Variants in PITPNC1 observed in about 807,000 individuals in gnomAD.
PITPNC1 encodes the protein cytoplasmic phosphatidylinositol transfer protein 1.
In PITPNC1, 18 loss-of-function variants were observed where a neutral mutation model predicts 44.7. The ratio of observed to expected loss-of-function variants is 0.40; its 90% CI spans 0.28 to 0.60. The LOEUF (loss-of-function observed/expected upper bound fraction) is 0.60. Among genes scored for constraint, PITPNC1 ranks in the 20% least tolerant of loss-of-function variants. PITPNC1 has a pLI of 0.39. For synonymous variants in PITPNC1, 141 were observed against 149.6 expected (o/e 0.94, Z 0.42); for missense variants, 290 against 418.4 (o/e 0.69, Z 2.68).
Position 67,677,046 on chromosome 17 carries a change from G to A in PITPNC1, c.682+1504G>A, listed in dbSNP as rs530711534. Reference sequence around the variant, plus strand: ...CTAGTTGTGTTTTGTGAGGCAGGCAGGAGAGTCTCCTGTGATTACTTCCTC... The same window carrying A: ...CTAGTTGTGTTTTGTGAGGCAGGCAAGAGAGTCTCCTGTGATTACTTCCTC... On this transcript the variant is annotated intron_variant, in intron 8 of 8. Transcript: ENST00000581322. Among the ~76,000 whole-genome samples, 9 of 152,172 alleles carry A rather than the reference G, an allele frequency of 5.9e-5. No individual in the cohort carries two copies. The South Asian group carries it at 1.7e-3, about 28-fold the overall frequency.
At chr17:67,432,429 A>C (rs1162505008) in intron 1 of PITPNC1, among the ~76,000 whole-genome samples, 10 of 152,114 alleles carry the variant, frequency 6.6e-5, no homozygotes, top group Admixed American at 3.3e-4. Context: ...TGGAGCTTGC[A>C]GTGAGCCGAG....
At chr17:67,525,835 C>A (rs538631196) in intron 1 of PITPNC1, among the ~76,000 whole-genome samples, 1 of 152,200 alleles carries the variant, frequency 6.6e-6, no homozygotes, top group Non-Finnish European at 1.5e-5. Context: ...TGATATCACT[C>A]TCTGCTTTTC....
chr17:67,535,851 G>A (rs887267804), intron 2 of PITPNC1, among the ~76,000 whole-genome samples: 2 of 152,248 alleles, frequency 1.3e-5, no homozygotes, highest in Non-Finnish European at 2.9e-5. Flanking sequence ...CAGAGTGTGG[G>A]TTCTGACATC....
At chr17:67,385,770 C>T (rs541529344) in intron 1 of PITPNC1, among the ~76,000 whole-genome samples, 1 of 151,724 alleles carries the variant, frequency 6.6e-6, no homozygotes, top group East Asian at 1.9e-4. Flanking sequence ...TCATAACGGG[C>T]ACAGGGAAAG....
chr17:67,566,043 T>G (rs1004147876), intron 4 of PITPNC1, among the ~76,000 whole-genome samples: 2 of 152,202 alleles, frequency 1.3e-5, no homozygotes, highest in African/African-American at 4.8e-5. Context: ...TTAATGGTTT[T>G]AGAGTCGATC....
chr17:67,440,217 T>A (rs148799742), intron 1 of PITPNC1, among the ~76,000 whole-genome samples: 1 of 152,270 alleles, frequency 6.6e-6, no homozygotes, highest in African/African-American at 2.4e-5. Context: ...TAATGCACAA[T>A]ACTCTACAAT....
chr17:67,601,559 T>C (rs2041539826), intron 5 of PITPNC1, among the ~76,000 whole-genome samples: 1 of 151,916 alleles, frequency 6.6e-6, no homozygotes, highest in South Asian at 2.1e-4. Context: ...AAGACCAGCC[T>C]GGACAACATA....
At chr17:67,682,587 G>A (rs2042731009) in intron 8 of PITPNC1, among the ~76,000 whole-genome samples, 1 of 152,222 alleles carries the variant, frequency 6.6e-6, no homozygotes, top group South Asian at 2.1e-4. Context: ...GAAGTACAGT[G>A]AGCAGGGCAT....
chr17:67,634,600 CAA>C (rs2042010882), intron 6 of PITPNC1, among the ~76,000 whole-genome samples: 1 of 152,062 alleles, frequency 6.6e-6, no homozygotes, highest in South Asian at 2.1e-4. Flanking sequence ...TCCAATCTAA[CAA>C]ATACCACGCA....
intron 1 of PITPNC1, among the ~76,000 whole-genome samples, chr17:67,380,037 G>A (rs1197848006): frequency 1.3e-5 from 2 of 151,214 alleles, no homozygotes; most frequent in African/African-American, 4.9e-5. Flanking sequence ...TATAGGTGGA[G>A]GCCCTTCCTT....
intron 6 of PITPNC1, among the ~76,000 whole-genome samples, chr17:67,663,223 G>A (rs908813819): frequency 4.6e-5 from 7 of 152,158 alleles, no homozygotes; most frequent in Admixed American, 3.3e-4. Context: ...TAGCCCAGGA[G>A]GTTCTTGGCT....
In PITPNC1 at chr17:67,575,424, A is replaced by G. The variant is rs528014932; in HGVS notation, c.295-2762A>G. On this transcript the variant is annotated intron_variant, in intron 4 of 8. Transcript: ENST00000581322. ...CAGGGCCTTGTTCTCCATAAAGGCA[A>G]TTACTGGGATTGATTGTTTCCGTGT... Among the ~76,000 whole-genome samples, 34 of 152,318 alleles carry G rather than the reference A, an allele frequency of 2.2e-4. No individual in the cohort carries two copies. In the South Asian group the frequency reaches 7.1e-3, roughly 32 times the overall value.
At chr17:67,682,450 T>G (rs1009265481) in intron 8 of PITPNC1, among the ~76,000 whole-genome samples, 4 of 152,108 alleles carry the variant, frequency 2.6e-5, no homozygotes, top group Admixed American at 1.3e-4. Context: ...TCAGGCCCCA[T>G]GCAGTATGAC....
At chr17:67,381,484 T>C (rs1305383386) in intron 1 of PITPNC1, among the ~76,000 whole-genome samples, 2 of 149,130 alleles carry the variant, frequency 1.3e-5, no homozygotes, top group Admixed American at 6.7e-5. Context: ...TTTTTTTTTT[T>C]GAGACGGAAT....
chr17:67,658,762 C>T (rs1028393361), intron 6 of PITPNC1, among the ~76,000 whole-genome samples: 7 of 152,076 alleles, frequency 4.6e-5, no homozygotes, highest in Non-Finnish European at 1.0e-4. Context: ...CTTTCCTCTA[C>T]TTGCCGTCTT....
chr17:67,497,615 C>T (rs2144061089), intron 1 of PITPNC1, among the ~76,000 whole-genome samples: 1 of 145,260 alleles, frequency 6.9e-6, no homozygotes, highest in Non-Finnish European at 1.5e-5. Context: ...GCAGTCTCGA[C>T]CTCCTAGGCT....
Position 67,409,071 on chromosome 17 carries a change from C to CTTTTTTTTT in PITPNC1, c.48+30885_48+30893dup, listed in dbSNP as rs1159310735. On this transcript the variant is annotated intron_variant, in intron 1 of 8. Transcript: ENST00000581322. ...TGTGGGGTAGGGGTCCAAATTCATT[C>CTTTTTTTTT]TTTTTTTTTTTTTTTTTTTTTTTTG... Among the ~76,000 whole-genome samples, 66 of 80,518 alleles carry CTTTTTTTTT rather than the reference C, an allele frequency of 8.2e-4. 4 individuals carry two copies. Among genetic ancestry groups the CTTTTTTTTT allele is most frequent in the Middle Eastern group, 0.014 (1 of 70 alleles). The allele number at this position is 80,518 out of a possible 152,430, so 52.8% of individuals were successfully genotyped here.
At chr17:67,563,882 G>A (rs1353822634) in intron 4 of PITPNC1, among the ~76,000 whole-genome samples, 1 of 152,154 alleles carries the variant, frequency 6.6e-6, no homozygotes, top group African/African-American at 2.4e-5. Flanking sequence ...GGGAGAGAGA[G>A]AAATGGGTGG....
intron 2 of PITPNC1, among the ~76,000 whole-genome samples, chr17:67,533,833 T>C (rs1409374104): frequency 6.6e-6 from 1 of 152,192 alleles, no homozygotes; most frequent in Non-Finnish European, 1.5e-5. Flanking sequence ...AAGCGTGCCG[T>C]TTCTGCTTTG....
Sources: allele counts gnomAD v4.1 joint callset (sites outside exome capture counted in the v4.1 genomes callset), GRCh38; gene constraint gnomAD v4.1.1; transcripts MANE v1.5; gene names NCBI Gene and HGNC (gene_info 2026-07-23, HGNC 2026-07-21).